C1orf105: variants seen among roughly 807,000 people sequenced by gnomAD.
The protein encoded by C1orf105 is chromosome 1 open reading frame 105, also known as uncharacterized protein C1orf105.
Under a neutral mutation model 20.8 loss-of-function variants are expected in C1orf105, and 17 were observed. The ratio of observed to expected loss-of-function variants is 0.82; its 90% confidence interval spans 0.56 to 1.23. The LOEUF (loss-of-function observed/expected upper bound fraction) is 1.23, where lower values mean the gene tolerates loss of function less well. Ranked by LOEUF, C1orf105 falls within the 50% of genes most tolerant of loss-of-function variation. The pLI, the probability that C1orf105 is intolerant of heterozygous loss-of-function variation, is 0.00. For synonymous variants in C1orf105, 72 were observed against 72.1 expected (o/e 1.00, Z 0.01); for missense variants, 219 against 213.5 (o/e 1.03, Z -0.16).
At chr1:172,461,426 G>A (rs1442583657) in intron 4 of C1orf105, among the ~76,000 whole-genome samples, 1 of 152,146 alleles carries the variant, frequency 6.6e-6, no homozygotes, top group Non-Finnish European at 1.5e-5. Flanking sequence ...CTTTGTAATT[G>A]TCATTTTATT....
chr1:172,430,391 T>C (rs531404512), intron 1 of C1orf105: 63 of 638,996 alleles, frequency 9.9e-5, no homozygotes, highest in African/African-American at 9.0e-4. Flanking sequence ...TTGCTTGACA[T>C]TTTCTTAATA....
intron 3 of C1orf105, among the ~76,000 whole-genome samples, chr1:172,450,732 C>T (rs367876683): frequency 2.6e-5 from 4 of 152,302 alleles, no homozygotes; most frequent in South Asian, 4.2e-4. Flanking sequence ...GGAGCAGCCC[C>T]GTGCCTGAGG....
chr1:172,462,190 A>G lies in C1orf105; in HGVS notation c.286A>G (p.Thr96Ala). The stretch of plus-strand genomic sequence containing the variant: ...CTTTCTTCTTGAGGTACAACCAAGA[A>G]CAATGAAAATCCCAGATGATCCAAA... ...CQEMKMVQPRTMKIPDDPKAS... is the reference protein window; with the variant it reads ...CQEMKMVQPRAMKIPDDPKAS... Residue 96 changes from threonine (T) to alanine (A), a missense_variant, in exon 5 of 7, where the codon ACA becomes GCA. Coordinates refer to ENST00000367727, the MANE Select transcript of C1orf105 (RefSeq NM_139240.4). The G allele has an allele frequency of 1.2e-6, 2 of 1,609,750 alleles. No homozygotes were observed. The highest frequency in any genetic ancestry group is 1.3e-5 in the African/African-American group (1 of 74,904).
chr1:172,441,447 G>T, intron 1 of C1orf105: 1 of 263,618 alleles, frequency 3.8e-6, no homozygotes, highest in Non-Finnish European at 7.1e-6. Context: ...AAAATCATGA[G>T]ACAACTTGAT....
intron 1 of C1orf105, among the ~76,000 whole-genome samples, chr1:172,444,578 A>C (rs1647760178): frequency 6.6e-6 from 1 of 152,200 alleles, no homozygotes; most frequent in African/African-American, 2.4e-5. Flanking sequence ...GACAAATCTA[A>C]GGCTCAGATA....
chr1:172,457,997 C>A (rs1047374915), intron 4 of C1orf105, among the ~76,000 whole-genome samples: 3 of 152,202 alleles, frequency 2.0e-5, no homozygotes, highest in African/African-American at 7.2e-5. Context: ...CACTGTGATA[C>A]CCCTTCTTTC....
chr1:172,444,180 G>T, intron 1 of C1orf105: 7 of 986,732 alleles, frequency 7.1e-6, no homozygotes, highest in Middle Eastern at 5.2e-4. Flanking sequence ...AGGACCTCCG[G>T]TCTCCTCTCC....
chr1:172,462,180 A>G lies in C1orf105; in HGVS notation c.276A>G (p.Val92=). The change falls in exon 5 of 7, where the codon GTA becomes GTG. Residue 92 remains valine, a splice_region_variant and synonymous_variant. Coordinates refer to ENST00000367727, the MANE Select transcript of C1orf105 (RefSeq NM_139240.4). ...CTAAATGAGACTTTCTTCTTGAGGT[A>G]CAACCAAGAACAATGAAAATCCCAG... ...LCSTCQEMKM[V]QPRTMKIPDD... 2 of 1,607,492 alleles carry G rather than the reference A, an allele frequency of 1.2e-6. No individual in the cohort carries two copies. The highest frequency in any genetic ancestry group is 1.1e-5 in the South Asian group (1 of 89,940).
chr1:172,445,045 C>A (rs1647818788), intron 1 of C1orf105, 28 bp from the exon 2 acceptor site: 7 of 1,563,486 alleles, frequency 4.5e-6, no homozygotes, highest in Non-Finnish European at 6.2e-6. Context: ...GTGATATATT[C>A]TGTAAAATGT....
At chr1:172,430,365 A>C (rs1488728938) in intron 1 of C1orf105, 2 of 689,320 alleles carry the variant, frequency 2.9e-6, no homozygotes, top group Non-Finnish European at 5.3e-6. Flanking sequence ...TGATGGCAGC[A>C]GTTAAGGGCT....
chr1:172,457,218 A>G (rs1649343166), intron 4 of C1orf105, among the ~76,000 whole-genome samples: 1 of 152,144 alleles, frequency 6.6e-6, no homozygotes, highest in African/African-American at 2.4e-5. Context: ...AGGGTAAGGA[A>G]GAGGCTTTGG....
At chr1:172,457,981 T>A (rs1197045244) in intron 4 of C1orf105, among the ~76,000 whole-genome samples, 3 of 152,216 alleles carry the variant, frequency 2.0e-5, no homozygotes, top group African/African-American at 7.2e-5. Flanking sequence ...GCAGGTCTGC[T>A]GTAGTCACTG....
chr1:172,431,044 T>C (rs1236491727), intron 1 of C1orf105: 8 of 640,386 alleles, frequency 1.2e-5, no homozygotes, highest in Non-Finnish European at 5.6e-6. Context: ...TCTTTCTTCC[T>C]CTTCTTGGGC....
intron 1 of C1orf105, chr1:172,442,036 G>T: frequency 1.2e-6 from 2 of 1,614,228 alleles, no homozygotes; most frequent in Non-Finnish European, 1.7e-6. Context: ...GGCATGCAGG[G>T]ACCGGGGAAG....
chr1:172,438,357 C>T lies in C1orf105; in HGVS notation c.22-6716C>T, dbSNP rs572321009. ...AACTTGTGAGAGGAGGTCAAAATAT[C>T]GACATTAATAGGAGTTTGGAAGATG... is the stretch of plus-strand genomic sequence containing the variant. On this transcript the variant is annotated intron_variant, in intron 1 of 6. Transcript: ENST00000367727. 3.0e-4 allele frequency among the ~76,000 whole-genome samples: 45 copies of T among 152,244 alleles called. 1 individual carries two copies. In the South Asian group the frequency reaches 7.1e-3, roughly 24 times the overall value.
chr1:172,444,348 GTTGCGCTCCTTTATT>G (rs1647723383), intron 1 of C1orf105: 1 of 969,034 alleles, frequency 1.0e-6, no homozygotes, highest in African/African-American at 1.8e-5. Context: ...GGCCGCTTTT[GTTGCGCTCCTTTATT>G]AAGTCAGGCC....
intron 3 of C1orf105, chr1:172,453,258 A>C: frequency 1.4e-6 from 2 of 1,473,640 alleles, no homozygotes; most frequent in South Asian, 1.2e-5. Context: ...ACAGGATTAG[A>C]GCATCCGCCT....
At chr1:172,463,774 C>G (rs1649855852) in intron 5 of C1orf105, among the ~76,000 whole-genome samples, 1 of 152,138 alleles carries the variant, frequency 6.6e-6, no homozygotes, top group African/African-American at 2.4e-5. Context: ...AAACAAATAG[C>G]TCTTATCCCT....
chr1:172,441,825 T>C, intron 1 of C1orf105: 1 of 1,613,878 alleles, frequency 6.2e-7, no homozygotes, highest in Non-Finnish European at 8.5e-7. Flanking sequence ...TGAGGTAGAA[T>C]GGACACAGAC....
Sources: gnomAD v4.1 joint callset for allele counts (sites outside exome capture counted in the v4.1 genomes callset) on GRCh38, gnomAD v4.1.1 for gene constraint, MANE v1.5 for transcripts, NCBI Gene and HGNC (gene_info 2026-07-23, HGNC 2026-07-21) for gene names.